PIGU: variants seen among roughly 807,000 people sequenced by gnomAD.
The protein encoded by PIGU is GPI-anchor transamidase component PIGU.
A neutral mutation model predicts 49.9 loss-of-function variants in PIGU; 24 were observed. The ratio of observed to expected loss-of-function variants is 0.48; its 90% CI spans 0.35 to 0.68. The LOEUF (loss-of-function observed/expected upper bound fraction) is 0.68. PIGU is among the 30% of genes least tolerant of loss of function. PIGU has a pLI of 0.01. For synonymous variants in PIGU, 220 were observed against 205.7 expected (o/e 1.07, Z -0.59); for missense variants, 490 against 532.6 (o/e 0.92, Z 0.79).
chr20:34,655,286 G>A (rs1342573684), intron 2 of PIGU, among the ~76,000 whole-genome samples: 1 of 119,896 alleles, frequency 8.3e-6, no homozygotes, highest in Non-Finnish European at 1.8e-5. Context: ...TTCCAGCCTC[G>A]GTGACAGAGC....
chr20:34,666,274 A>G (rs1987089222), intron 1 of PIGU, among the ~76,000 whole-genome samples: 1 of 152,174 alleles, frequency 6.6e-6, no homozygotes, highest in Non-Finnish European at 1.5e-5. Flanking sequence ...CAAAAAGACA[A>G]TAAAGATACC....
intron 2 of PIGU, among the ~76,000 whole-genome samples, chr20:34,647,408 C>T (rs1012793346): frequency 1.1e-4 from 16 of 152,024 alleles, no homozygotes; most frequent in African/African-American, 3.4e-4. Flanking sequence ...ATTACAGCCG[C>T]GCGCCACCAC....
chr20:34,564,535 G>A (rs750338123), intron 11 of PIGU, among the ~76,000 whole-genome samples: 6 of 152,158 alleles, frequency 3.9e-5, no homozygotes, highest in Admixed American at 6.5e-5. Flanking sequence ...ACCTATTGTT[G>A]TATGTAACAA....
chr20:34,670,159 T>A (rs1987262215), intron 1 of PIGU, among the ~76,000 whole-genome samples: 1 of 151,216 alleles, frequency 6.6e-6, no homozygotes, highest in Non-Finnish European at 1.5e-5. Flanking sequence ...GTTATGTGTG[T>A]CTTACAAATT....
intron 7 of PIGU, among the ~76,000 whole-genome samples, chr20:34,596,756 T>TTTACTATGTAACTATTAAA (rs1254392581): frequency 1.3e-5 from 2 of 152,216 alleles, no homozygotes; most frequent in Non-Finnish European, 2.9e-5. Context: ...GTTTACATAG[T>TTTACTATGTAACTATTAAA]TATTAAATAT....
At position 34,588,535 on chromosome 20, in the gene PIGU, C is replaced by G. The variant is rs147496117; in HGVS notation, c.700G>C (p.Val234Leu). 3.3e-5 allele frequency: 53 copies of G among 1,613,668 alleles called. No individual in the cohort carries two copies. Among genetic ancestry groups the G allele is most frequent in the Non-Finnish European group, 4.4e-5 (52 of 1,179,676 alleles). Residue 234 changes from valine to leucine, a missense_variant, in exon 8 of 12, where the codon GTG becomes CTG. Coordinates refer to ENST00000217446, the MANE Select transcript of PIGU (RefSeq NM_080476.5). ...CAAATGATTACCACTAGGCTTCCCA[C>G]ATACATCATGGCATACTCCCAAGAA... is the stretch of plus-strand genomic sequence containing the variant. Reference protein sequence around the residue: ...IFSWEYAMMYVGSLVVIICLS... With the variant: ...IFSWEYAMMYLGSLVVIICLS...
At chr20:34,569,858 C>T (rs1276682219) in intron 11 of PIGU, among the ~76,000 whole-genome samples, 2 of 152,180 alleles carry the variant, frequency 1.3e-5, no homozygotes, top group Non-Finnish European at 2.9e-5. Flanking sequence ...ATGAAGAAGA[C>T]AGACCCAGGG....
intron 6 of PIGU, among the ~76,000 whole-genome samples, chr20:34,616,394 T>G (rs1053246121): frequency 1.3e-5 from 2 of 152,136 alleles, no homozygotes; most frequent in African/African-American, 4.8e-5. Context: ...CTTATAAAAT[T>G]TTGAGACCCA....
rs1983173958 is a variant in PIGU at position 34,575,194 on chromosome 20, G to T, written c.1104C>A (p.Leu368=). 5 of 1,614,134 alleles carry T rather than the reference G, an allele frequency of 3.1e-6. No homozygotes were observed. The highest frequency in any genetic ancestry group is 4.2e-6 in the Non-Finnish European group (5 of 1,180,006). The part of the protein sequence containing the change: ...LTCIIIVCSL[L]FPVLWHLWIY... ...TCCAGAGGTGCCACAGGACAGGGAAGAGCAGGGAACAGACGATGATGATGC... is the reference window on the plus strand; with the variant it reads ...TCCAGAGGTGCCACAGGACAGGGAATAGCAGGGAACAGACGATGATGATGC... The change falls in exon 11 of 12, where the codon CTC becomes CTA. Residue 368 remains leucine, a synonymous_variant. Transcript: ENST00000217446.
intron 7 of PIGU, among the ~76,000 whole-genome samples, chr20:34,598,444 G>A (rs965227704): frequency 1.2e-4 from 19 of 152,210 alleles, no homozygotes; most frequent in African/African-American, 4.6e-4. Context: ...CTCTTTAACA[G>A]TTGAGAAAAA....
chr20:34,563,508 G>A (rs546800534), intron 11 of PIGU, among the ~76,000 whole-genome samples: 3 of 151,950 alleles, frequency 2.0e-5, no homozygotes, highest in East Asian at 1.9e-4. Context: ...GCGGAGATGC[G>A]CCATTGCACT....
intron 2 of PIGU, among the ~76,000 whole-genome samples, chr20:34,653,623 A>G (rs1986612422): frequency 6.6e-6 from 1 of 152,148 alleles, no homozygotes; most frequent in Non-Finnish European, 1.5e-5. Flanking sequence ...GCTGGCACTT[A>G]GTGAATATTT....
intron 11 of PIGU, among the ~76,000 whole-genome samples, chr20:34,571,097 A>G (rs909631765): frequency 6.6e-6 from 1 of 152,202 alleles, no homozygotes; most frequent in Admixed American, 6.5e-5. Context: ...ACTGCAACCT[A>G]GAGAAGTTAA....
chr20:34,672,412 C>G (rs1418060226), intron 1 of PIGU, among the ~76,000 whole-genome samples: 1 of 152,146 alleles, frequency 6.6e-6, no homozygotes, highest in African/African-American at 2.4e-5. Context: ...TGGGATACCC[C>G]CCTTGTGTAC....
intron 6 of PIGU, among the ~76,000 whole-genome samples, chr20:34,620,823 A>AC (rs949967145): frequency 7.2e-6 from 1 of 138,828 alleles, no homozygotes; most frequent in African/African-American, 2.5e-5. Context: ...AAAAAAACAA[A>AC]AAAAAAAAAA....
chr20:34,627,781 C>A (rs949410642), intron 6 of PIGU, among the ~76,000 whole-genome samples: 11 of 152,078 alleles, frequency 7.2e-5, no homozygotes, highest in African/African-American at 2.7e-4. Context: ...TGATAAATGA[C>A]AACCTATCTG....
chr20:34,610,361 A>G (rs977877957), intron 7 of PIGU, among the ~76,000 whole-genome samples: 9 of 152,220 alleles, frequency 5.9e-5, no homozygotes, highest in Admixed American at 2.6e-4. Context: ...ACAAAGTCTC[A>G]GGATACAAAA....
At chr20:34,608,089 T>TTTTTG (rs1442196425) in intron 7 of PIGU, among the ~76,000 whole-genome samples, 2 of 151,080 alleles carry the variant, frequency 1.3e-5, no homozygotes, top group Non-Finnish European at 3.0e-5. Context: ...TTTTTTTTTT[T>TTTTTG]TTGAGACAAG....
intron 6 of PIGU, among the ~76,000 whole-genome samples, chr20:34,618,996 A>G (rs755537145): frequency 6.6e-6 from 1 of 152,218 alleles, no homozygotes; most frequent in Non-Finnish European, 1.5e-5. Flanking sequence ...TATAAATGTG[A>G]CAATGTCACA....
Sources: gnomAD v4.1 joint callset for allele counts (sites outside exome capture counted in the v4.1 genomes callset) on GRCh38, gnomAD v4.1.1 for gene constraint, MANE v1.5 for transcripts, NCBI Gene and HGNC (gene_info 2026-07-23, HGNC 2026-07-21) for gene names.